The following ZPLD1 variants were observed in gnomAD, a reference collection of about 807,000 sequenced individuals.
ZPLD1 encodes zona pellucida like domain containing 1.
Under a neutral mutation model 47.2 loss-of-function variants are expected in ZPLD1, and 34 were observed. The observed-to-expected ratio is 0.72, with a 90% CI of 0.55 to 0.96. The LOEUF is 0.96. Ranked by LOEUF, ZPLD1 falls within the 40% of genes least tolerant of loss-of-function variation. The pLI is 0.00. For synonymous variants in ZPLD1, 176 were observed against 186.2 expected (o/e 0.95, Z 0.45); for missense variants, 512 against 505.8 (o/e 1.01, Z -0.12).
intron 10 of ZPLD1, among the ~76,000 whole-genome samples, chr3:102,471,361 T>G (rs1707682911): frequency 1.3e-5 from 2 of 152,216 alleles, no homozygotes; most frequent in South Asian, 4.1e-4. Flanking sequence ...TCTTTATAAA[T>G]AGCCTATTAA....
chr3:102,426,511 TCC>T lies in ZPLD1; in HGVS notation c.-9+8305_-9+8306del, dbSNP rs575797075. ...CCAGCCTGGGCAACAAGAGTGAAAC[TCC>T]ATCTCAAAAAAAAAAAAAAAAATTC... is the stretch of plus-strand genomic sequence containing the variant. On this transcript the variant is annotated intron_variant, in intron 8 of 17. Coordinates refer to the ZPLD1 transcript ENST00000491959. Among the ~76,000 whole-genome samples the T allele has an allele frequency of 8.1e-4, 117 of 145,078 alleles. 1 individual carries two copies. The highest frequency in any genetic ancestry group is 2.9e-3 in the African/African-American group (114 of 38,748).
At chr3:102,387,688 G>T (rs1156743551) in intron 6 of ZPLD1, among the ~76,000 whole-genome samples, 1 of 151,908 alleles carries the variant, frequency 6.6e-6, no homozygotes, top group Non-Finnish European at 1.5e-5. Context: ...TTTCTGACCT[G>T]GTAAATTTTA....
chr3:102,390,957 G>A (rs1706488426), intron 6 of ZPLD1, among the ~76,000 whole-genome samples: 1 of 151,992 alleles, frequency 6.6e-6, no homozygotes, highest in African/African-American at 2.4e-5. Context: ...TGTCAGAAAA[G>A]GACCCCATGT....
intron 7 of ZPLD1, among the ~76,000 whole-genome samples, chr3:102,403,746 T>G (rs1388466712): frequency 6.6e-6 from 1 of 151,842 alleles, no homozygotes; most frequent in African/African-American, 2.4e-5. Flanking sequence ...GAGTGGTAGG[T>G]GGGCCATAAA....
intron 4 of ZPLD1, 88 bp from the exon 5 acceptor site, chr3:102,456,105 A>T: frequency 1.8e-6 from 2 of 1,095,604 alleles, no homozygotes. Context: ...TCTAGAATAG[A>T]TTTTGCTTAA....
chr3:102,400,934 G>A (rs1706612646), intron 7 of ZPLD1, among the ~76,000 whole-genome samples: 1 of 152,058 alleles, frequency 6.6e-6, no homozygotes, highest in Non-Finnish European at 1.5e-5. Flanking sequence ...GCTGACCACA[G>A]GTGTGGAATA....
upstream of ZPLD1, among the ~76,000 whole-genome samples, chr3:102,433,370 A>G (rs1382510473): frequency 6.6e-6 from 1 of 152,236 alleles, no homozygotes; most frequent in Non-Finnish European, 1.5e-5. Context: ...ACTTCAGATT[A>G]CTGTGCCTTA....
upstream of ZPLD1, among the ~76,000 whole-genome samples, chr3:102,431,773 G>T (rs1707018972): frequency 6.6e-6 from 1 of 152,168 alleles, no homozygotes; most frequent in African/African-American, 2.4e-5. Context: ...GCTGGACGTG[G>T]TGGCGGTTGC....
chr3:102,465,616 T>C (rs1052331241), intron 8 of ZPLD1, among the ~76,000 whole-genome samples: 1 of 152,138 alleles, frequency 6.6e-6, no homozygotes, highest in Non-Finnish European at 1.5e-5. Context: ...TCTATAATCC[T>C]CATATATTGA....
chr3:102,412,499 A>G lies in ZPLD1; in HGVS notation c.-156-5561A>G, dbSNP rs1239269295. 2.0e-5 allele frequency among the ~76,000 whole-genome samples: 3 copies of G among 151,802 alleles called. No homozygotes were observed. The East Asian group carries it at 5.8e-4, about 29-fold the overall frequency. Reference sequence around the variant, plus strand: ...ATTAGGGAGGATTTAACCTATTATAAGAATGATTGAAGGAACTTAAGTTGT... The same window carrying G: ...ATTAGGGAGGATTTAACCTATTATAGGAATGATTGAAGGAACTTAAGTTGT... On this transcript the variant is annotated intron_variant, in intron 7 of 17. Transcript: ENST00000491959.
chr3:102,424,115 G>GA, intron 8 of ZPLD1, among the ~76,000 whole-genome samples: 1 of 152,060 alleles, frequency 6.6e-6, no homozygotes, highest in Non-Finnish European at 1.5e-5. Flanking sequence ...TATCCATCAG[G>GA]AAACAGAAAG....
At chr3:102,461,070 A>T (rs961701838) in intron 6 of ZPLD1, among the ~76,000 whole-genome samples, 11 of 151,988 alleles carry the variant, frequency 7.2e-5, no homozygotes, top group Non-Finnish European at 4.4e-5. Flanking sequence ...AATGTTTCGT[A>T]TTAACTTTTT....
chr3:102,448,458 T>G (rs1221553497), intron 3 of ZPLD1, among the ~76,000 whole-genome samples: 2 of 152,182 alleles, frequency 1.3e-5, no homozygotes, highest in African/African-American at 4.8e-5. Flanking sequence ...GGTATCCTTC[T>G]TTTTTCCTTC....
At chr3:102,401,764 A>G (rs752268039) in intron 7 of ZPLD1, among the ~76,000 whole-genome samples, 2 of 152,092 alleles carry the variant, frequency 1.3e-5, no homozygotes, top group Non-Finnish European at 2.9e-5. Flanking sequence ...CAGATTTAGT[A>G]TAGCCCCTTT....
chr3:102,435,957 A>T (rs930394667), intron 1 of ZPLD1, among the ~76,000 whole-genome samples: 1 of 152,222 alleles, frequency 6.6e-6, no homozygotes, highest in African/African-American at 2.4e-5. Flanking sequence ...CTTGATTTTT[A>T]AATGACAAAT....
chr3:102,473,585 T>G (rs1707716089), intron 10 of ZPLD1, among the ~76,000 whole-genome samples: 1 of 152,218 alleles, frequency 6.6e-6, no homozygotes, highest in Non-Finnish European at 1.5e-5. Flanking sequence ...TCTCGAATTA[T>G]TTTTAAATAA....
intron 8 of ZPLD1, among the ~76,000 whole-genome samples, chr3:102,422,862 C>T (rs1327853956): frequency 6.6e-6 from 1 of 151,894 alleles, no homozygotes; most frequent in African/African-American, 2.4e-5. Context: ...GAGCTTTCTC[C>T]TGAGTGGTGT....
At chr3:102,464,767 C>A (rs1707566569) in intron 8 of ZPLD1, among the ~76,000 whole-genome samples, 2 of 152,260 alleles carry the variant, frequency 1.3e-5, no homozygotes, top group Middle Eastern at 6.8e-3. Context: ...TCCTCCTTCC[C>A]CAATAGACAG....
rs1217241490 is a variant in ZPLD1, at chr3:102,479,277, T to A, written c.*1659T>A. The A allele has an allele frequency of 6.6e-6, 1 of 152,228 alleles. No homozygotes were observed. The allele number at this position is 152,228 out of a possible 1,614,324, so 9.4% of individuals were successfully genotyped here. On this transcript the variant is annotated 3_prime_UTR_variant, in exon 12 of 12. Coordinates refer to ENST00000466937, the MANE Select transcript of ZPLD1 (RefSeq NM_001329788.2). ...TTTGAAGTGACTATTCTGAGCTTTATCTGTGTTAACATGATTAACTGACCA... is the reference window on the plus strand; with the variant it reads ...TTTGAAGTGACTATTCTGAGCTTTAACTGTGTTAACATGATTAACTGACCA...
Sources: allele counts gnomAD v4.1 joint callset (sites outside exome capture counted in the v4.1 genomes callset), GRCh38; gene constraint gnomAD v4.1.1; transcripts MANE v1.5; gene names NCBI Gene and HGNC (gene_info 2026-07-23, HGNC 2026-07-21).